The following LRRFIP2 variants were observed in gnomAD, a reference collection of about 807,000 sequenced individuals.
The protein encoded by LRRFIP2 is leucine-rich repeat flightless-interacting protein 2.
A neutral mutation model predicts 125.9 loss-of-function variants in LRRFIP2; 109 were observed. The ratio of observed to expected loss-of-function variants is 0.87; its 90% CI spans 0.74 to 1.01. The LOEUF (loss-of-function observed/expected upper bound fraction) is 1.01. LRRFIP2 is among the 50% of genes least tolerant of loss of function. The pLI is 0.00. For synonymous variants in LRRFIP2, 291 were observed against 293.1 expected, an observed-to-expected ratio of 0.99 and a Z score of 0.07; for missense variants, 850 against 862.3, an observed-to-expected ratio of 0.99 and a Z score of 0.18.
At chr3:37,121,769 T>A in intron 4 of LRRFIP2, 78 bp from the exon 5 acceptor site, 2 of 1,398,088 alleles carry the variant, frequency 1.4e-6, no homozygotes, top group Non-Finnish European at 2.0e-6. Context: ...CAAAGAGCAG[T>A]CAGTTAACAG....
intron 21 of LRRFIP2, chr3:37,067,541 G>A (rs570266804): frequency 6.6e-6 from 1 of 152,252 alleles, no homozygotes; most frequent in South Asian, 2.1e-4. Context: ...TTTGGAAGTG[G>A]GACAGCGAAT....
chr3:37,133,007 T>C (rs573968699), intron 2 of LRRFIP2, among the ~76,000 whole-genome samples: 2 of 152,308 alleles, frequency 1.3e-5, no homozygotes, highest in South Asian at 4.1e-4. Flanking sequence ...GCAGATCACT[T>C]GAGACCAGGA....
intron 24 of LRRFIP2, 30 bp downstream of exon 24, chr3:37,063,712 T>C (rs1290210541): frequency 6.4e-7 from 1 of 1,559,264 alleles, no homozygotes; most frequent in Non-Finnish European, 8.8e-7. Flanking sequence ...TTGTTAAAAT[T>C]ATATTACACT....
At chr3:37,065,465 T>C in intron 23 of LRRFIP2, 1 of 446,768 alleles carries the variant, frequency 2.2e-6, no homozygotes, top group South Asian at 1.6e-5. Flanking sequence ...TATAACACAC[T>C]TGAGAAGTCT....
rs185150902 is a variant in LRRFIP2 at position 37,143,329 on chromosome 3, T to G, written c.90+5565A>C. ...ATTCTCCATCTACAACGGGCAGTCA[T>G]GAAGATGGTCTTCGTCAGGACAACA... On this transcript the variant is annotated intron_variant, in intron 2 of 27. Transcript: ENST00000336686. Among the ~76,000 whole-genome samples the G allele has an allele frequency of 1.4e-3, 207 of 152,360 alleles. 1 individual carries two copies. The highest frequency in any genetic ancestry group is 5.7e-4 in the Non-Finnish European group (39 of 68,030).
chr3:37,053,619 T>C lies in LRRFIP2; in HGVS notation c.*232A>G. ...ATTCTACAATTACGGAGATAAAAAA[T>C]AAAAACAGCATGGACTGGTTCTACC... On this transcript the variant is annotated 3_prime_UTR_variant, in exon 28 of 28. Coordinates refer to ENST00000336686, the MANE Select transcript of LRRFIP2 (RefSeq NM_006309.4). The C allele has an allele frequency of 2.1e-6, 1 of 472,666 alleles. No homozygotes were observed. The highest frequency in any genetic ancestry group is 3.8e-6 in the Non-Finnish European group (1 of 263,456). 29.3% of individuals were successfully genotyped at this position (472,666 alleles called of 1,614,324 possible). A position where few individuals can be genotyped will look rare whatever the true frequency, so the allele number is the denominator to read the frequency against.
intron 18 of LRRFIP2, among the ~76,000 whole-genome samples, chr3:37,090,862 G>A (rs2093392504): frequency 6.6e-6 from 1 of 152,118 alleles, no homozygotes; most frequent in Non-Finnish European, 1.5e-5. Context: ...CTCCAGGGGG[G>A]ATATTTATAA....
intron 2 of LRRFIP2, among the ~76,000 whole-genome samples, chr3:37,133,648 G>T (rs1317053169): frequency 6.6e-6 from 1 of 152,014 alleles, no homozygotes; most frequent in Non-Finnish European, 1.5e-5. Flanking sequence ...AGGGTAGGGG[G>T]AAATGGGACT....
intron 18 of LRRFIP2, among the ~76,000 whole-genome samples, chr3:37,089,952 C>A (rs560032039): frequency 6.6e-6 from 1 of 152,320 alleles, no homozygotes; most frequent in East Asian, 1.9e-4. Flanking sequence ...TCATGCTGCC[C>A]TATCAGCAAC....
At chr3:37,146,635 G>A (rs1055634888) in intron 2 of LRRFIP2, among the ~76,000 whole-genome samples, 4 of 152,148 alleles carry the variant, frequency 2.6e-5, no homozygotes, top group Non-Finnish European at 5.9e-5. Flanking sequence ...TCCCTGCAAA[G>A]GATATGATAT....
At chr3:37,101,861 A>G (rs1374750946) in intron 15 of LRRFIP2, among the ~76,000 whole-genome samples, 1 of 152,112 alleles carries the variant, frequency 6.6e-6, no homozygotes, top group Admixed American at 6.6e-5. Context: ...GTAGATCCTA[A>G]GTTGTTGGCT....
At chr3:37,069,345 C>G (rs992631535) in intron 21 of LRRFIP2, among the ~76,000 whole-genome samples, 1 of 152,120 alleles carries the variant, frequency 6.6e-6, no homozygotes, top group African/African-American at 2.4e-5. Flanking sequence ...GTTGATATAT[C>G]AACAGAAGAA....
upstream of LRRFIP2, chr3:37,174,891 T>G (rs1223653709): frequency 6.6e-6 from 1 of 152,216 alleles, no homozygotes; most frequent in African/African-American, 2.4e-5. Flanking sequence ...ACCTTCGAAA[T>G]GAATCACACT....
At chr3:37,121,827 G>A (rs978680109) in intron 4 of LRRFIP2, 136 bp from the exon 5 acceptor site, 3 of 710,472 alleles carry the variant, frequency 4.2e-6, no homozygotes, top group South Asian at 1.6e-5. Context: ...ACTTATCTTA[G>A]GGGCAGCCAC....
Position 37,065,919 on chromosome 3 carries a change from G to A in LRRFIP2, c.1590C>T (p.Pro530=), listed in dbSNP as rs766667751. The A allele has an allele frequency of 3.5e-5, 57 of 1,613,994 alleles. No individual in the cohort carries two copies. The highest frequency in any genetic ancestry group is 1.6e-4 in the Middle Eastern group (1 of 6,084). The change falls in exon 23 of 28, where the codon CCC becomes CCT. Residue 530 remains proline (P), a synonymous_variant. Transcript: ENST00000336686. ...TGEKHGLVII[P]DGTPNGDVSH... ...TGACATCACCATTGGGAGTGCCATC[G>A]GGGATTATAACTAAGCCATGTTTCT...
rs73827225 is a variant in LRRFIP2, at chr3:37,169,603, C to A, written c.-56+4936G>T. ...TCCTCTGCATACAGTACGGTATACT[C>A]TAACTTACAAAACAGAAAGCCAAAA... On this transcript the variant is annotated intron_variant, in intron 1 of 27. Transcript: ENST00000336686. 7.5e-3 allele frequency among the ~76,000 whole-genome samples: 1,149 copies of A among 152,302 alleles called. 16 individuals carry two copies. Among genetic ancestry groups the A allele is most frequent in the African/African-American group, 0.026 (1,093 of 41,560 alleles).
At position 37,121,627 on chromosome 3, in the gene LRRFIP2, T is replaced by C. The variant is rs1380245500; in HGVS notation, c.285+8A>G. Reference sequence around the variant, plus strand: ...GTATTAGAGGCAAGTGTATAGGTTATTACAAACCAGATAAGGACGATGGTG... The same window carrying C: ...GTATTAGAGGCAAGTGTATAGGTTACTACAAACCAGATAAGGACGATGGTG... On this transcript the variant is annotated splice_region_variant and intron_variant, in intron 5 of 27. Transcript: ENST00000336686. 5.0e-6 allele frequency: 8 copies of C among 1,614,020 alleles called. No homozygotes were observed. Among genetic ancestry groups the C allele is most frequent in the Non-Finnish European group, 5.9e-6 (7 of 1,179,986 alleles).
intron 18 of LRRFIP2, among the ~76,000 whole-genome samples, chr3:37,090,704 C>T (rs2093381560): frequency 6.6e-6 from 1 of 152,084 alleles, no homozygotes; most frequent in Non-Finnish European, 1.5e-5. Context: ...TGAAAAATGT[C>T]AGTGATCCTT....
chr3:37,165,270 G>C (rs1216872755), intron 1 of LRRFIP2, among the ~76,000 whole-genome samples: 3 of 151,558 alleles, frequency 2.0e-5, no homozygotes, highest in Non-Finnish European at 4.4e-5. Context: ...AAAATGAACT[G>C]TGCATGTGAG....
Sources: gnomAD v4.1 joint callset for allele counts (sites outside exome capture counted in the v4.1 genomes callset) on GRCh38, gnomAD v4.1.1 for gene constraint, MANE v1.5 for transcripts, NCBI Gene and HGNC (gene_info 2026-07-23, HGNC 2026-07-21) for gene names.